Variants in ABCG8 observed in about 807,000 individuals in gnomAD.
The protein encoded by ABCG8 is ATP binding cassette subfamily G member 8, also known as ATP-binding cassette sub-family G member 8.
ABCG8 carries 81 observed loss-of-function variants against 71.3 expected under a neutral mutation model. That is an observed-to-expected ratio of 1.14 (90% confidence interval 0.95 to 1.37). The LOEUF (loss-of-function observed/expected upper bound fraction) is 1.37, where lower values mean the gene tolerates loss of function less well. ABCG8 is among the 40% of genes most tolerant of loss of function. The pLI, the probability that ABCG8 is intolerant of heterozygous loss-of-function variation, is 0.00. For synonymous variants in ABCG8, 451 were observed against 354.7 expected, an observed-to-expected ratio of 1.27 and a Z score of -3.05; for missense variants, 1,119 against 866.2, an observed-to-expected ratio of 1.29 and a Z score of -3.66.
chr2:43,875,331 G>T lies in ABCG8; in HGVS notation c.1674G>T (p.Met558Ile). The T allele has an allele frequency of 6.2e-7, 1 of 1,614,144 alleles. No homozygotes were observed. ...AAAALLPTFH[M>I]ASFFSNALYN... The stretch of plus-strand genomic sequence containing the variant: ...CGGCCCTGCTCCCCACCTTCCACAT[G>T]GCCTCCTTCTTCAGCAATGCCCTCT... Residue 558 changes from methionine (M) to isoleucine (I), a missense_variant, in exon 11 of 13, where the codon ATG becomes ATT. Physicochemically the swap from Met to Ile is conservative, Grantham distance 10. Coordinates refer to ENST00000272286, the MANE Select transcript of ABCG8 (RefSeq NM_022437.3).
intron 2 of ABCG8, 28 bp downstream of exon 2, chr2:43,844,636 G>C: frequency 6.4e-7 from 1 of 1,570,076 alleles, no homozygotes; most frequent in Non-Finnish European, 8.8e-7. Context: ...TTCAAGGGGA[G>C]AGGAGCAGGC....
intron 6 of ABCG8, among the ~76,000 whole-genome samples, chr2:43,865,303 T>A (rs1669487590): frequency 6.9e-6 from 1 of 144,816 alleles, no homozygotes; most frequent in African/African-American, 2.6e-5. Flanking sequence ...ATTCTCAGTC[T>A]CTGCATAGAA....
intron 4 of ABCG8, among the ~76,000 whole-genome samples, 177 bp from the exon 5 acceptor site, chr2:43,852,177 G>C (rs572200357): frequency 6.6e-6 from 1 of 152,356 alleles, no homozygotes; most frequent in Admixed American, 6.5e-5. Flanking sequence ...GGCCCCTCGG[G>C]ACCTGTGGAA....
chr2:43,861,974 C>G (rs555478656), intron 6 of ABCG8, among the ~76,000 whole-genome samples: 7 of 150,996 alleles, frequency 4.6e-5, no homozygotes, highest in African/African-American at 1.5e-4. Context: ...ATAGAACTAG[C>G]ACTATGTGAA....
At chr2:43,863,952 C>T (rs1302169645) in intron 6 of ABCG8, among the ~76,000 whole-genome samples, 1 of 151,362 alleles carries the variant, frequency 6.6e-6, no homozygotes, top group Non-Finnish European at 1.5e-5. Context: ...ATAGGATTCT[C>T]ACTCTGTAGG....
intron 12 of ABCG8, 28 bp from the exon 13 acceptor site, chr2:43,877,748 T>G: frequency 1.2e-6 from 2 of 1,614,126 alleles, no homozygotes; most frequent in Middle Eastern, 1.6e-4. Context: ...ATCCTCCTCA[T>G]GAGCCCACTG....
intron 6 of ABCG8, among the ~76,000 whole-genome samples, chr2:43,866,926 G>A (rs372572553): frequency 0.042 from 6,178 of 148,252 alleles, 149 homozygotes; most frequent in Middle Eastern, 0.11. Context: ...ATTCACAATA[G>A]CAAAGACTTG....
chr2:43,860,504 T>TGG (rs1669272752), intron 6 of ABCG8, among the ~76,000 whole-genome samples: 1 of 151,444 alleles, frequency 6.6e-6, no homozygotes, highest in African/African-American at 2.4e-5. Flanking sequence ...ACCCTCTAGA[T>TGG]AGAACTCTCA....
Position 43,844,593 on chromosome 2 carries a change from AG to A in ABCG8, c.151del (p.Asp51ThrfsTer41). 1 of 1,613,562 alleles carries A rather than the reference AG, an allele frequency of 6.2e-7. No individual in the cohort carries two copies. Among genetic ancestry groups the A allele is most frequent in the Non-Finnish European group, 8.5e-7 (1 of 1,179,468 alleles). Reference protein sequence around the residue: ...SGQPNTLEVRDLNYQVDLASQ... With the variant: ...SGQPNTLEVRXLNYQVDLASQ... ...GCCAGCCCAACACCCTGGAGGTCAGAGACCTCAACTACCAGGTAGAGGCACG... is the reference window on the plus strand; with the variant it reads ...GCCAGCCCAACACCCTGGAGGTCAGAACCTCAACTACCAGGTAGAGGCACG... On this transcript the variant is annotated frameshift_variant, in exon 2 of 13. Transcript: ENST00000272286. LOFTEE classifies it high-confidence loss of function.
intron 6 of ABCG8, 127 bp from the exon 7 acceptor site, chr2:43,871,849 T>C: frequency 7.4e-7 from 1 of 1,352,700 alleles, no homozygotes; most frequent in South Asian, 1.3e-5. Flanking sequence ...TGGCTGAGGG[T>C]GGGGAGAATG....
At chr2:43,865,204 A>G (rs980973751) in intron 6 of ABCG8, among the ~76,000 whole-genome samples, 1 of 144,930 alleles carries the variant, frequency 6.9e-6, no homozygotes, top group African/African-American at 2.6e-5. Context: ...CACTATCTAG[A>G]TAGAATTCTC....
intron 4 of ABCG8, 49 bp from the exon 5 acceptor site, chr2:43,852,305 C>A (rs771559808): frequency 3.7e-6 from 6 of 1,611,256 alleles, no homozygotes; most frequent in Non-Finnish European, 8.5e-7. Context: ...ATGTGTCCAG[C>A]CCTGAAGGAG....
chr2:43,874,133 CATACAAATG>C, intron 9 of ABCG8, 147 bp downstream of exon 9: 1 of 954,048 alleles, frequency 1.0e-6, no homozygotes, highest in South Asian at 1.4e-5. Context: ...TTAATATTAG[CATACAAATG>C]AAAGTAAATT....
At position 43,872,219 on chromosome 2, in the gene ABCG8, C is replaced by T. The variant is rs781004722; in HGVS notation, c.1128-4C>T. 1.9e-6 allele frequency: 3 copies of T among 1,614,004 alleles called. No homozygotes were observed. Among genetic ancestry groups the T allele is most frequent in the Admixed American group, 3.3e-5 (2 of 60,020 alleles). ...ATGACCTGGCCACATCTTCTGCCTC[C>T]CAGCAGCGTGACCCCACTAGACACC... is the stretch of plus-strand genomic sequence containing the variant. On this transcript the variant is annotated splice_polypyrimidine_tract_variant and splice_region_variant and intron_variant, in intron 7 of 12. Coordinates refer to ENST00000272286, the MANE Select transcript of ABCG8 (RefSeq NM_022437.3).
intron 11 of ABCG8, 107 bp downstream of exon 11, chr2:43,875,520 G>T (rs545839727): frequency 2.1e-6 from 3 of 1,417,476 alleles, no homozygotes; most frequent in East Asian, 4.7e-5. Flanking sequence ...TCCAACTCGA[G>T]GCTGGCCCTT....
At chr2:43,860,563 C>A (rs1489909243) in intron 6 of ABCG8, among the ~76,000 whole-genome samples, 1 of 151,408 alleles carries the variant, frequency 6.6e-6, no homozygotes, top group East Asian at 1.9e-4. Context: ...GTCTCACTAT[C>A]TGGATAGAAT....
chr2:43,852,405 G>T lies in ABCG8; in HGVS notation c.613G>T (p.Val205Leu). The T allele has an allele frequency of 6.2e-7, 1 of 1,612,458 alleles. No homozygotes were observed. The highest frequency in any genetic ancestry group is 8.5e-7 in the Non-Finnish European group (1 of 1,180,030). ...GCTTAGGCAGTGCGCTGACACCCGCGTGGGCAACATGTACGTGCGGGGGTT... is the reference window on the plus strand; with the variant it reads ...GCTTAGGCAGTGCGCTGACACCCGCTTGGGCAACATGTACGTGCGGGGGTT... ...LRLRQCADTR[V>L]GNMYVRGLSG... The change falls in exon 5 of 13, where the codon GTG becomes TTG. Residue 205 changes from valine (V) to leucine (L), a missense_variant. By Grantham distance (32) the Val-to-Leu change is conservative. Coordinates refer to ENST00000272286, the MANE Select transcript of ABCG8 (RefSeq NM_022437.3).
chr2:43,861,586 CATCTGGATAGAACTCTCATT>C (rs930330110), intron 6 of ABCG8, among the ~76,000 whole-genome samples: 3 of 151,044 alleles, frequency 2.0e-5, no homozygotes, highest in African/African-American at 7.3e-5. Flanking sequence ...GAATTCTCAC[CATCTGGATAGAACTCTCATT>C]ATCTGGATAG....
At position 43,852,513 on chromosome 2, in the gene ABCG8, C is replaced by G. The variant is rs772209366; in HGVS notation, c.694+27C>G. 13 of 1,613,370 alleles carry G rather than the reference C, an allele frequency of 8.1e-6. No homozygotes were observed. In the Admixed American group the frequency reaches 2.2e-4, roughly 27 times the overall value. On this transcript the variant is annotated intron_variant, in intron 5 of 12. Transcript: ENST00000272286. ...TGAGGGCCTGGGGGGCAGATGGGGG[C>G]AGAGGGACCTGTGCGGTCCCCTCAG... is the stretch of plus-strand genomic sequence containing the variant.
Sources: allele counts gnomAD v4.1 joint callset (sites outside exome capture counted in the v4.1 genomes callset), GRCh38; gene constraint gnomAD v4.1.1; transcripts MANE v1.5; gene names NCBI Gene and HGNC (gene_info 2026-07-23, HGNC 2026-07-21).